Variants in NEGR1 observed in about 807,000 individuals in gnomAD.
NEGR1 encodes IgLON family member 4.
NEGR1 carries 10 observed loss-of-function variants against 40.9 expected under a neutral mutation model. That is an observed-to-expected ratio of 0.24 (90% CI 0.15 to 0.42). NEGR1 has a LOEUF of 0.42. Among genes scored for constraint, NEGR1 ranks in the 10% least tolerant of loss-of-function variants. The pLI, the probability that NEGR1 is intolerant of heterozygous loss-of-function variation, is 1.00. For synonymous variants in NEGR1, 185 were observed against 166.8 expected (o/e 1.11, Z -0.84); for missense variants, 352 against 438.9 (o/e 0.80, Z 1.77).
chr1:71,725,639 T>C (rs1193540200), intron 3 of NEGR1, among the ~76,000 whole-genome samples: 1 of 152,132 alleles, frequency 6.6e-6, no homozygotes, highest in Admixed American at 6.6e-5. Flanking sequence ...AGTATTTTGA[T>C]AACTTATTTC....
At chr1:71,779,158 G>A (rs1656613495) in intron 2 of NEGR1, among the ~76,000 whole-genome samples, 1 of 152,152 alleles carries the variant, frequency 6.6e-6, no homozygotes, top group Admixed American at 6.5e-5. Flanking sequence ...GTGTAAGAGG[G>A]CCAGTGAAAT....
chr1:71,585,002 A>T (rs1198137791), intron 6 of NEGR1, among the ~76,000 whole-genome samples: 1 of 152,134 alleles, frequency 6.6e-6, no homozygotes, highest in Non-Finnish European at 1.5e-5. Context: ...AACATAAAGG[A>T]AATTTCTCTG....
At chr1:71,788,219 G>C (rs1216764844) in intron 2 of NEGR1, among the ~76,000 whole-genome samples, 1 of 151,918 alleles carries the variant, frequency 6.6e-6, no homozygotes, top group Admixed American at 6.6e-5. Flanking sequence ...CCAAGAGATA[G>C]CAGAGTCCTA....
chr1:71,524,211 G>T (rs936474970), intron 6 of NEGR1, among the ~76,000 whole-genome samples: 3 of 151,360 alleles, frequency 2.0e-5, no homozygotes, highest in African/African-American at 4.8e-5. Flanking sequence ...AGATTTACTT[G>T]CATTTATGAT....
At chr1:72,010,513 C>A (rs375141135) in intron 1 of NEGR1, among the ~76,000 whole-genome samples, 4 of 152,096 alleles carry the variant, frequency 2.6e-5, no homozygotes, top group South Asian at 2.1e-4. Flanking sequence ...AAAATGAAAT[C>A]TCTGCCTTAT....
At chr1:72,234,988 T>C (rs894637212) in intron 1 of NEGR1, among the ~76,000 whole-genome samples, 1 of 152,108 alleles carries the variant, frequency 6.6e-6, no homozygotes, top group African/African-American at 2.4e-5. Flanking sequence ...GCAACACTAT[T>C]TAAATTAGCA....
intron 2 of NEGR1, among the ~76,000 whole-genome samples, chr1:71,838,622 G>A (rs1659124578): frequency 6.6e-6 from 1 of 152,120 alleles, no homozygotes; most frequent in Non-Finnish European, 1.5e-5. Context: ...GGCAGTGAGT[G>A]TGAAGTGCTT....
At chr1:71,998,455 A>G (rs934376854) in intron 1 of NEGR1, among the ~76,000 whole-genome samples, 9 of 152,020 alleles carry the variant, frequency 5.9e-5, no homozygotes, top group Admixed American at 5.2e-4. Flanking sequence ...ACAGAAGTCT[A>G]ATTTTTCATT....
At chr1:71,654,623 T>C (rs1171534988) in intron 4 of NEGR1, among the ~76,000 whole-genome samples, 1 of 152,094 alleles carries the variant, frequency 6.6e-6, no homozygotes, top group Non-Finnish European at 1.5e-5. Context: ...ACATATTCAT[T>C]GGGGTGTGGA....
At chr1:71,902,920 G>A (rs114671767) in intron 2 of NEGR1, among the ~76,000 whole-genome samples, 3,060 of 151,756 alleles carry the variant, frequency 0.02, 62 homozygotes, top group South Asian at 0.1. Context: ...TATTAATTAT[G>A]TTTTCATATA....
intron 1 of NEGR1, among the ~76,000 whole-genome samples, chr1:72,220,529 C>T (rs1034077177): frequency 2.6e-5 from 4 of 151,898 alleles, no homozygotes; most frequent in African/African-American, 4.8e-5. Context: ...ATTTGTGGTA[C>T]TGTACCAAAG....
At chr1:71,813,698 G>A (rs1285128736) in intron 2 of NEGR1, among the ~76,000 whole-genome samples, 1 of 152,044 alleles carries the variant, frequency 6.6e-6, no homozygotes, top group Non-Finnish European at 1.5e-5. Flanking sequence ...TGCAGCAATT[G>A]TGAATGGGAG....
At chr1:71,677,633 T>C (rs987208487) in intron 4 of NEGR1, among the ~76,000 whole-genome samples, 5 of 152,314 alleles carry the variant, frequency 3.3e-5, no homozygotes, top group Non-Finnish European at 5.9e-5. Context: ...ATTTAGGCTT[T>C]GACAATTTAA....
At chr1:71,787,366 G>GAA (rs1321938061) in intron 2 of NEGR1, among the ~76,000 whole-genome samples, 3 of 152,064 alleles carry the variant, frequency 2.0e-5, no homozygotes, top group Non-Finnish European at 4.4e-5. Flanking sequence ...TACTTATGTT[G>GAA]AAAACAAAAA....
chr1:71,789,592 T>C (rs894480086), intron 2 of NEGR1, among the ~76,000 whole-genome samples: 5 of 152,148 alleles, frequency 3.3e-5, no homozygotes, highest in Non-Finnish European at 7.4e-5. Flanking sequence ...TTCTCTCAAG[T>C]ACTAAGTGTA....
At chr1:71,772,558 A>T (rs376516616) in intron 3 of NEGR1, among the ~76,000 whole-genome samples, 8 of 152,248 alleles carry the variant, frequency 5.3e-5, no homozygotes, top group African/African-American at 1.9e-4. Flanking sequence ...TAGACAAAAA[A>T]GTATTCTATA....
intron 2 of NEGR1, among the ~76,000 whole-genome samples, chr1:71,798,607 G>A (rs569727666): frequency 3.3e-5 from 5 of 152,124 alleles, no homozygotes; most frequent in African/African-American, 1.2e-4. Flanking sequence ...GGCGACTAAG[G>A]CTAATTCATT....
At chr1:71,699,957 C>T (rs1653627707) in intron 3 of NEGR1, among the ~76,000 whole-genome samples, 2 of 151,922 alleles carry the variant, frequency 1.3e-5, no homozygotes, top group African/African-American at 2.4e-5. Context: ...TCTGAGGCAT[C>T]CTCAGCCATG....
chr1:71,894,802 G>A (rs1259238534), intron 2 of NEGR1, among the ~76,000 whole-genome samples: 2 of 152,148 alleles, frequency 1.3e-5, no homozygotes, highest in Admixed American at 6.5e-5. Flanking sequence ...AAGCCACTTG[G>A]GAGGCTGAGG....
Sources: allele counts gnomAD v4.1 joint callset (sites outside exome capture counted in the v4.1 genomes callset), GRCh38; gene constraint gnomAD v4.1.1; transcripts MANE v1.5; gene names NCBI Gene and HGNC (gene_info 2026-07-23, HGNC 2026-07-21).